Variants in TNK2 observed in about 807,000 individuals in gnomAD.
The protein encoded by TNK2 is tyrosine kinase non receptor 2.
TNK2 carries 83 observed loss-of-function variants against 101.8 expected under a neutral mutation model. The observed-to-expected ratio is 0.82, with a 90% CI of 0.68 to 0.98. The LOEUF is 0.98. TNK2 is among the 50% of genes least tolerant of loss of function. The probability of loss-of-function intolerance (pLI) is 0.00; values close to 1 mark genes in which losing one functional copy is unlikely to be tolerated. For missense variants in TNK2, 1,665 were observed against 1,483.2 expected (o/e 1.12, Z -2.01); for synonymous variants, 804 against 633.0 (o/e 1.27, Z -4.06).
Position 195,872,740 on chromosome 3 carries a change from G to A in TNK2, c.1257-270C>T. The A allele has an allele frequency of 8.6e-6, 4 of 463,258 alleles. No individual in the cohort carries two copies. In the South Asian group the frequency reaches 1.2e-4, roughly 14 times the overall value. The allele number at this position is 463,258 out of a possible 1,614,324, so 28.7% of individuals were successfully genotyped here. On this transcript the variant is annotated intron_variant, in intron 9 of 15. Coordinates refer to ENST00000672887, the MANE Select transcript of TNK2 (RefSeq NM_001382273.1). Reference sequence around the variant, plus strand: ...CAAATAAGGAGGCACGCTGGAAGCTGCTGCAGCAGGCAACATGACCTGTCC... The same window carrying A: ...CAAATAAGGAGGCACGCTGGAAGCTACTGCAGCAGGCAACATGACCTGTCC...
At position 195,883,250 on chromosome 3, in the gene TNK2, G is replaced by A. The variant is rs55636345; in HGVS notation, c.516C>T (p.Asp172=). 11 of 1,613,186 alleles carry A rather than the reference G, an allele frequency of 6.8e-6. No homozygotes were observed. Among genetic ancestry groups the A allele is most frequent in the East Asian group, 4.5e-5 (2 of 44,894 alleles). ...TGGCATTGACCTCCCGGATGAAGTCGTCCATGGCTTCTGGCTGGCTCAGGA... is the reference window on the plus strand; with the variant it reads ...TGGCATTGACCTCCCGGATGAAGTCATCCATGGCTTCTGGCTGGCTCAGGA... ...PDVLSQPEAM[D]DFIREVNAMH... is the part of the protein sequence containing the mutation. The change falls in exon 5 of 16, where the codon GAC becomes GAT. Residue 172 remains aspartate, a synonymous_variant. Coordinates refer to ENST00000672887, the MANE Select transcript of TNK2 (RefSeq NM_001382273.1).
chr3:195,878,688 C>T lies in TNK2; in HGVS notation c.1015-96G>A. 2 of 1,495,146 alleles carry T rather than the reference C, an allele frequency of 1.3e-6. No individual in the cohort carries two copies. The highest frequency in any genetic ancestry group is 1.8e-6 in the Non-Finnish European group (2 of 1,116,840). The allele number at this position is 1,495,146 out of a possible 1,614,324, so 92.6% of individuals were successfully genotyped here. ...AGCCCATCCACAGCTGCAGCGGCTG[C>T]TGCCATGCCTGGCCTCCAAAGAAGG... On this transcript the variant is annotated intron_variant, in intron 7 of 15. Transcript: ENST00000672887. The surrounding 1 kb of genome is among the most constrained non-coding windows in gnomAD (Gnocchi z 4.7).
chr3:195,874,091 CG>C (rs1345725234), intron 9 of TNK2, among the ~76,000 whole-genome samples: 3 of 152,246 alleles, frequency 2.0e-5, no homozygotes, highest in Non-Finnish European at 2.9e-5. Flanking sequence ...ACCCCGGCAC[CG>C]GCTGGGCTGC....
intron 1 of TNK2, among the ~76,000 whole-genome samples, chr3:195,898,014 C>T (rs1326584431): frequency 6.6e-6 from 1 of 151,936 alleles, no homozygotes; most frequent in Non-Finnish European, 1.5e-5. Context: ...CAGACATTTA[C>T]AGGGCAGCTC....
chr3:195,871,849 G>A (rs1577014030), intron 10 of TNK2, among the ~76,000 whole-genome samples: 2 of 152,256 alleles, frequency 1.3e-5, no homozygotes, highest in South Asian at 4.1e-4. Flanking sequence ...TCAGAGTTAG[G>A]AGATCGGCCC....
chr3:195,889,642 G>C (rs538066920), intron 1 of TNK2, among the ~76,000 whole-genome samples: 1 of 152,138 alleles, frequency 6.6e-6, no homozygotes, highest in Non-Finnish European at 1.5e-5. Flanking sequence ...CACACACAGC[G>C]TGCTGGCCAA....
chr3:195,890,776 A>C (rs1292842724), intron 1 of TNK2, among the ~76,000 whole-genome samples: 2 of 152,206 alleles, frequency 1.3e-5, no homozygotes, highest in Non-Finnish European at 2.9e-5. Context: ...ACTACTGTGT[A>C]AACTTAAGGG....
intron 11 of TNK2, 136 bp from the exon 12 acceptor site, chr3:195,869,677 GC>G: frequency 1.1e-6 from 1 of 918,438 alleles, no homozygotes. Context: ...GAATGTACAA[GC>G]CCCCAGCAAA....
At position 195,878,432 on chromosome 3, in the gene TNK2, G is replaced by A. The variant is rs773066685; in HGVS notation, c.1161+14C>T. 12 of 1,613,788 alleles carry A rather than the reference G, an allele frequency of 7.4e-6. No individual in the cohort carries two copies. Among genetic ancestry groups the A allele is most frequent in the Admixed American group, 1.7e-5 (1 of 60,012 alleles). On this transcript the variant is annotated intron_variant, in intron 8 of 15. Coordinates refer to ENST00000672887, the MANE Select transcript of TNK2 (RefSeq NM_001382273.1). This position sits in a 1 kb window ranked among gnomAD's most constrained non-coding sequence, Gnocchi z 4.7. ...TTGAACACCCCAGCTCTCCTGGGCT[G>A]ACCTGTCCCTCACCTCCAGCAGGAA... is the stretch of plus-strand genomic sequence containing the variant.
Position 195,868,293 on chromosome 3 carries a change from G to C in TNK2, c.2005C>G (p.Leu669Val). 6.2e-7 allele frequency: 1 copy of C among 1,603,806 alleles called. No individual in the cohort carries two copies. The change falls in exon 13 of 16, where the codon CTC becomes GTC. Residue 669 changes from leucine (L) to valine (V), a missense_variant. Physicochemically the swap from Leu to Val is conservative, Grantham distance 32. Around this residue, in one of 3 missense-constraint regions of TNK2, gnomAD observed 1,136 missense variants for 894.9 expected, o/e 1.27. Transcript: ENST00000672887. ...CCGGCAGGGACCCCCGCGCCCACGA[G>C]GGTGCTGTTGATGGAGCAGATCTCA... ...DFEICSINST[L>V]VGAGVPAGPS... is the part of the protein sequence containing the mutation.
At chr3:195,872,946 C>G (rs891269907) in intron 9 of TNK2, 1 of 165,866 alleles carries the variant, frequency 6.0e-6, no homozygotes, top group African/African-American at 2.4e-5. Context: ...CTGAGAGGTG[C>G]GGGGGTGCCG....
chr3:195,864,456 C>G (rs1341334299), intron 15 of TNK2, among the ~76,000 whole-genome samples: 3 of 151,956 alleles, frequency 2.0e-5, no homozygotes, highest in African/African-American at 7.3e-5. Context: ...TCAGTAAGAA[C>G]CACCCGAGAC....
intron 1 of TNK2, among the ~76,000 whole-genome samples, chr3:195,901,651 T>G (rs1438962368): frequency 6.6e-6 from 1 of 152,188 alleles, no homozygotes; most frequent in Non-Finnish European, 1.5e-5. Context: ...AGTCATAGCC[T>G]GGGTCCTCAG....
intron 1 of TNK2, among the ~76,000 whole-genome samples, chr3:195,905,876 G>C (rs1428994131): frequency 6.6e-6 from 1 of 152,152 alleles, no homozygotes; most frequent in African/African-American, 2.4e-5. Context: ...ACATTGTTAA[G>C]AGGATCAAAA....
intron 15 of TNK2, among the ~76,000 whole-genome samples, chr3:195,864,955 C>T (rs548960120): frequency 1.5e-5 from 2 of 134,748 alleles, no homozygotes; most frequent in East Asian, 4.3e-4. Flanking sequence ...TGCCTGCATC[C>T]CAGATGCAAA....
chr3:195,867,761 T>C lies in TNK2; in HGVS notation c.2537A>G (p.Gln846Arg). 6.3e-7 allele frequency: 1 copy of C among 1,588,448 alleles called. No homozygotes were observed. The highest frequency in any genetic ancestry group is 1.1e-5 in the South Asian group (1 of 88,156). ...FASDPKYATP[Q>R]VIQAPGPRAG... Reference sequence around the variant, plus strand: ...CCGCGGGCCAGGGGCCTGGATCACCTGGGGGGTGGCGTACTTGGGGTCTGA... The same window carrying C: ...CCGCGGGCCAGGGGCCTGGATCACCCGGGGGGTGGCGTACTTGGGGTCTGA... The change falls in exon 13 of 16, where the codon CAG (glutamine) becomes CGG (arginine). Residue 846 changes from glutamine (Q) to arginine (R), a missense_variant. By Grantham distance (43) the Gln-to-Arg change is conservative. Coordinates refer to ENST00000672887, the MANE Select transcript of TNK2 (RefSeq NM_001382273.1).
At position 195,904,992 on chromosome 3, in the gene TNK2, A is replaced by G. The variant is rs186600762; in HGVS notation, c.-19+3493T>C. 7.4e-4 allele frequency among the ~76,000 whole-genome samples: 112 copies of G among 152,326 alleles called. 1 individual carries two copies. Among genetic ancestry groups the G allele is most frequent in the African/African-American group, 2.4e-3 (98 of 41,566 alleles). On this transcript the variant is annotated intron_variant, in intron 1 of 15. Coordinates refer to ENST00000672887, the MANE Select transcript of TNK2 (RefSeq NM_001382273.1). ...TTGTAGAAATTGACTAACTAATTCT[A>G]AAATGTATATGGAAGTGCAAAGAAC... is the stretch of plus-strand genomic sequence containing the variant.
chr3:195,907,247 C>T (rs935017703), intron 1 of TNK2, among the ~76,000 whole-genome samples: 1 of 152,192 alleles, frequency 6.6e-6, no homozygotes, highest in Non-Finnish European at 1.5e-5. Flanking sequence ...GCTGAACTTC[C>T]GGTGCATGAG....
At chr3:195,896,465 G>A (rs1478720460) in intron 1 of TNK2, among the ~76,000 whole-genome samples, 3 of 151,986 alleles carry the variant, frequency 2.0e-5, no homozygotes, top group Non-Finnish European at 4.4e-5. Context: ...GATGACTGCC[G>A]GCGAGGCCCC....
Sources: allele counts gnomAD v4.1 joint callset (sites outside exome capture counted in the v4.1 genomes callset), GRCh38; gene constraint gnomAD v4.1.1; regional missense constraint gnomAD v4.1.1; non-coding constraint Gnocchi (gnomAD v3.1); transcripts MANE v1.5; gene names NCBI Gene and HGNC (gene_info 2026-07-23, HGNC 2026-07-21).